The following RBFOX1 variants were observed in gnomAD, a reference collection of about 807,000 sequenced individuals.
RBFOX1 encodes RNA binding protein fox-1 homolog 1.
Under a neutral mutation model 57.7 loss-of-function variants are expected in RBFOX1, and 8 were observed. That is an observed-to-expected ratio of 0.14 (90% confidence interval 0.08 to 0.25). RBFOX1 has a LOEUF of 0.25. Ranked by LOEUF, RBFOX1 falls within the 10% of genes least tolerant of loss-of-function variation. RBFOX1 has a pLI of 1.00. For synonymous variants in RBFOX1, 326 were observed against 222.4 expected, an observed-to-expected ratio of 1.47 and a Z score of -4.15; for missense variants, 611 against 548.5, an observed-to-expected ratio of 1.11 and a Z score of -1.14.
intron 2 of RBFOX1, among the ~76,000 whole-genome samples, chr16:6,642,755 C>T (rs141826687): frequency 8.5e-4 from 129 of 152,222 alleles, no homozygotes; most frequent in Middle Eastern, 3.4e-3. Flanking sequence ...TCTGGCTTTA[C>T]AGCTTTTTCC....
At chr16:6,644,003 G>GT (rs1456506152) in intron 2 of RBFOX1, among the ~76,000 whole-genome samples, 1 of 152,166 alleles carries the variant, frequency 6.6e-6, no homozygotes, top group African/African-American at 2.4e-5. Flanking sequence ...GCATGCACCT[G>GT]TAATCCCAGC....
At chr16:7,686,917 C>G (rs747126034) in intron 14 of RBFOX1, among the ~76,000 whole-genome samples, 2 of 152,008 alleles carry the variant, frequency 1.3e-5, no homozygotes, top group Non-Finnish European at 2.9e-5. Context: ...TTTGAATTTC[C>G]AAAACTCAGA....
At chr16:6,912,681 T>A (rs1287078016) in intron 3 of RBFOX1, among the ~76,000 whole-genome samples, 2 of 151,832 alleles carry the variant, frequency 1.3e-5, no homozygotes, top group Non-Finnish European at 2.9e-5. Context: ...AGTGGCATGA[T>A]CATAGCTCAC....
chr16:6,674,307 CTTTATT>C (rs2098786827), intron 3 of RBFOX1, among the ~76,000 whole-genome samples: 1 of 151,802 alleles, frequency 6.6e-6, no homozygotes, highest in South Asian at 2.1e-4. Context: ...TGACTGGGTT[CTTTATT>C]TTTATTTTTT....
chr16:5,806,059 A>G (rs1389065979), intron 3 of RBFOX1, among the ~76,000 whole-genome samples: 1 of 152,148 alleles, frequency 6.6e-6, no homozygotes, highest in Non-Finnish European at 1.5e-5. Flanking sequence ...AGCTGGCATT[A>G]TTATTCCAGT....
At chr16:7,423,658 G>A (rs888892931) in intron 4 of RBFOX1, among the ~76,000 whole-genome samples, 1 of 152,192 alleles carries the variant, frequency 6.6e-6, no homozygotes, top group Non-Finnish European at 1.5e-5. Context: ...TATGGTGCAT[G>A]TGATTTGGGG....
chr16:6,651,473 A>C (rs2098595406), intron 2 of RBFOX1, among the ~76,000 whole-genome samples: 1 of 152,052 alleles, frequency 6.6e-6, no homozygotes, highest in Non-Finnish European at 1.5e-5. Context: ...CCCTACTTAA[A>C]TTTGTAACCC....
At chr16:5,385,759 C>A (rs913011700) in intron 1 of RBFOX1, among the ~76,000 whole-genome samples, 8 of 152,300 alleles carry the variant, frequency 5.3e-5, no homozygotes, top group African/African-American at 1.7e-4. Context: ...GTTATGACCA[C>A]CCTTCACTCT....
intron 2 of RBFOX1, among the ~76,000 whole-genome samples, chr16:6,386,751 G>C (rs2092309416): frequency 6.6e-6 from 1 of 152,136 alleles, no homozygotes; most frequent in East Asian, 1.9e-4. Context: ...GAATAGTTTA[G>C]GTAGGGGAAT....
chr16:7,461,629 A>G (rs192425416), intron 4 of RBFOX1, among the ~76,000 whole-genome samples: 170 of 152,238 alleles, frequency 1.1e-3, no homozygotes, highest in Middle Eastern at 6.8e-3. Context: ...TTGCATTTCC[A>G]AAAGCCGTAC....
chr16:6,555,934 A>G (rs1419347643), intron 2 of RBFOX1, among the ~76,000 whole-genome samples: 1 of 152,148 alleles, frequency 6.6e-6, no homozygotes, highest in Non-Finnish European at 1.5e-5. Context: ...TTCGGAATAT[A>G]GGAGGATCGA....
intron 4 of RBFOX1, among the ~76,000 whole-genome samples, chr16:7,308,570 T>C (rs989150608): frequency 3.9e-5 from 6 of 152,210 alleles, no homozygotes; most frequent in Admixed American, 3.3e-4. Flanking sequence ...TCCCACTTAA[T>C]GATGATCCAT....
intron 4 of RBFOX1, among the ~76,000 whole-genome samples, chr16:7,172,465 A>T (rs933099665): frequency 1.1e-4 from 17 of 152,176 alleles, no homozygotes; most frequent in Non-Finnish European, 2.4e-4. Flanking sequence ...GTCTCCCACA[A>T]CCACCCTTTG....
chr16:5,474,107 T>G (rs2069234707), intron 2 of RBFOX1, among the ~76,000 whole-genome samples: 1 of 152,146 alleles, frequency 6.6e-6, no homozygotes, highest in African/African-American at 2.4e-5. Flanking sequence ...TTTTCCTGAG[T>G]TTGTGACCAT....
intron 2 of RBFOX1, among the ~76,000 whole-genome samples, chr16:5,467,408 C>T (rs925432013): frequency 6.6e-6 from 1 of 152,128 alleles, no homozygotes; most frequent in Non-Finnish European, 1.5e-5. Flanking sequence ...GCAAGAAGGT[C>T]ACTACTAATT....
At chr16:5,767,077 C>G (rs2053807439) in intron 3 of RBFOX1, among the ~76,000 whole-genome samples, 1 of 152,206 alleles carries the variant, frequency 6.6e-6, no homozygotes, top group African/African-American at 2.4e-5. Context: ...TTAGTCCCAC[C>G]CTTTAAGACA....
intron 13 of RBFOX1, 75 bp downstream of exon 13, chr16:7,665,043 T>A: frequency 6.2e-7 from 1 of 1,613,482 alleles, no homozygotes; most frequent in South Asian, 1.1e-5. Context: ...GCTGTGAATT[T>A]CTCTACTTGG....
chr16:7,557,115 C>A (rs969981273), intron 5 of RBFOX1, among the ~76,000 whole-genome samples: 4 of 151,924 alleles, frequency 2.6e-5, no homozygotes, highest in Non-Finnish European at 5.9e-5. Context: ...TATTATAAAC[C>A]CATTTTACAG....
At chr16:6,761,463 T>C (rs1468447526) in intron 3 of RBFOX1, among the ~76,000 whole-genome samples, 1 of 149,054 alleles carries the variant, frequency 6.7e-6, no homozygotes, top group Non-Finnish European at 1.5e-5. Context: ...TTTTTAAACA[T>C]ACACTCCAGG....
Sources: allele counts gnomAD v4.1 joint callset (sites outside exome capture counted in the v4.1 genomes callset), GRCh38; gene constraint gnomAD v4.1.1; transcripts MANE v1.5; gene names NCBI Gene and HGNC (gene_info 2026-07-23, HGNC 2026-07-21).